The following TFDP1 variants were observed in gnomAD, a reference collection of about 807,000 sequenced individuals.
The protein encoded by TFDP1 is transcription factor Dp-1, also known as DRTF1-polypeptide 1.
Under a neutral mutation model 48.0 loss-of-function variants are expected in TFDP1, and 6 were observed. The ratio of observed to expected loss-of-function variants is 0.13; its 90% CI spans 0.07 to 0.25. TFDP1 has a LOEUF of 0.25. Ranked by LOEUF, TFDP1 falls within the 10% of genes least tolerant of loss-of-function variation. The pLI, the probability that TFDP1 is intolerant of heterozygous loss-of-function variation, is 1.00. For synonymous variants in TFDP1, 201 were observed against 211.6 expected (o/e 0.95, Z 0.44); for missense variants, 335 against 543.0 (o/e 0.62, Z 3.81).
At chr13:113,593,626 C>T (rs142913492) in intron 2 of TFDP1, among the ~76,000 whole-genome samples, 1,519 of 123,128 alleles carry the variant, frequency 0.012, 34 homozygotes, top group East Asian at 0.046. Context: ...GACAGTTGTG[C>T]TGTGTGCAGG....
At chr13:113,603,095 G>A (rs963982582) in intron 2 of TFDP1, among the ~76,000 whole-genome samples, 1 of 152,228 alleles carries the variant, frequency 6.6e-6, no homozygotes, top group African/African-American at 2.4e-5. Context: ...GTGGGGAGCT[G>A]TTAGCAATGG....
chr13:113,602,988 G>T (rs76955080), intron 2 of TFDP1, among the ~76,000 whole-genome samples: 5 of 99,132 alleles, frequency 5.0e-5, no homozygotes, highest in African/African-American at 2.0e-4. Flanking sequence ...AAAAAAAAAC[G>T]TATAATTTAC....
At chr13:113,605,368 C>CT (rs34042825) in intron 2 of TFDP1, among the ~76,000 whole-genome samples, 64,226 of 151,808 alleles carry the variant, frequency 0.42, 14,397 homozygotes, top group African/African-American at 0.56. Flanking sequence ...AAAAGAACCA[C>CT]TTTTTTTTAA....
At position 113,627,499 on chromosome 13, in the gene TFDP1, G is replaced by A. The variant is rs961101452; in HGVS notation, c.187-4124G>A. 7.9e-5 allele frequency among the ~76,000 whole-genome samples: 12 copies of A among 152,192 alleles called. No individual in the cohort carries two copies. Among genetic ancestry groups the A allele is most frequent in the African/African-American group, 1.4e-4 (6 of 41,426 alleles). ...CTCTCTGGACACCGCGGTTAACCTT[G>A]GTCCATCTCTAGGATTCTGTGTCTG... On this transcript the variant is annotated intron_variant, in intron 4 of 11. Coordinates refer to ENST00000375370, the MANE Select transcript of TFDP1 (RefSeq NM_007111.5). The surrounding 1 kb of genome is among the most constrained non-coding windows in gnomAD (Gnocchi z 4.1).
At position 113,640,241 on chromosome 13, in the gene TFDP1, T is replaced by C. The variant is rs762086985; in HGVS notation, c.1207T>C (p.Phe403Leu). 47 of 1,613,226 alleles carry C rather than the reference T, an allele frequency of 2.9e-5. No homozygotes were observed. The South Asian group carries it at 4.8e-4, about 17-fold the overall frequency. Reference protein sequence around the residue: ...VGEDDEEDDDFNENDEDD With the variant: ...VGEDDEEDDDLNENDEDD ...GGAGGACGACGAGGAGGACGATGAC[T>C]TCAACGAGAATGACGAGGACGACTG... The change falls in exon 12 of 12, where the codon TTC (phenylalanine) becomes CTC (leucine). Residue 403 changes from phenylalanine (F) to leucine (L), a missense_variant. This residue lies in a region of TFDP1 where 204 missense variants were observed against 287.1 expected (regional missense o/e 0.71). Transcript: ENST00000375370.
intron 3 of TFDP1, among the ~76,000 whole-genome samples, chr13:113,614,468 C>T (rs1213694150): frequency 6.6e-6 from 1 of 152,182 alleles, no homozygotes; most frequent in Non-Finnish European, 1.5e-5. Flanking sequence ...CGTTTGTGCC[C>T]TGGGAGCCCA....
rs2049201988 is a variant in TFDP1 at position 113,627,176 on chromosome 13, T to C, written c.186+3890T>C. ...CGAGGGGTGGGGCTCAGTCCGGGCA[T>C]GTGAGTGAAAGCGGTGGGGAGGTCC... On this transcript the variant is annotated intron_variant, in intron 4 of 11. Coordinates refer to ENST00000375370, the MANE Select transcript of TFDP1 (RefSeq NM_007111.5). The surrounding 1 kb of genome is among the most constrained non-coding windows in gnomAD (Gnocchi z 4.1). Among the ~76,000 whole-genome samples the C allele has an allele frequency of 6.6e-6, 1 of 152,128 alleles. No homozygotes were observed. The highest frequency in any genetic ancestry group is 6.5e-5 in the Admixed American group (1 of 15,286).
chr13:113,628,931 C>T (rs987821282), intron 4 of TFDP1, among the ~76,000 whole-genome samples: 1 of 152,160 alleles, frequency 6.6e-6, no homozygotes, highest in Non-Finnish European at 1.5e-5. Context: ...GACTGGAAGG[C>T]GTCCTGTGGC....
chr13:113,618,445 C>T (rs1383775225), intron 3 of TFDP1, among the ~76,000 whole-genome samples: 3 of 152,126 alleles, frequency 2.0e-5, no homozygotes, highest in East Asian at 1.9e-4. Context: ...TCCCTTGAAC[C>T]GGGAGGTGGA....
At chr13:113,634,128 C>T (rs1190381173) in intron 7 of TFDP1, 95 bp downstream of exon 7, 1 of 1,545,718 alleles carries the variant, frequency 6.5e-7, no homozygotes, top group Admixed American at 1.7e-5. Flanking sequence ...GCTCCGTGCC[C>T]TTATGCTCTC....
chr13:113,596,324 T>C (rs2048288613), intron 2 of TFDP1, among the ~76,000 whole-genome samples: 2 of 152,366 alleles, frequency 1.3e-5, no homozygotes, highest in African/African-American at 4.8e-5. Context: ...TACCCAGTTA[T>C]TGACTCTTGG....
chr13:113,637,153 C>A, intron 10 of TFDP1: 1 of 176,104 alleles, frequency 5.7e-6, no homozygotes, highest in Non-Finnish European at 1.2e-5. Flanking sequence ...AGCACAGGAG[C>A]TTTTGTTGAA....
intron 4 of TFDP1, among the ~76,000 whole-genome samples, chr13:113,629,354 TC>T: frequency 6.6e-6 from 1 of 152,322 alleles, no homozygotes; most frequent in South Asian, 2.1e-4. Context: ...AGTCCTGTCT[TC>T]CAGGAAAGGT....
intron 3 of TFDP1, among the ~76,000 whole-genome samples, chr13:113,615,675 G>C (rs2048838832): frequency 1.3e-5 from 2 of 152,210 alleles, no homozygotes; most frequent in African/African-American, 4.8e-5. Flanking sequence ...AGACTGCAGT[G>C]GGAGGATTGC....
chr13:113,585,640 C>T (rs892058889), intron 1 of TFDP1, 134 bp from the exon 2 acceptor site: 15 of 543,810 alleles, frequency 2.8e-5, no homozygotes, highest in African/African-American at 2.6e-4. Context: ...GTTTGGCCAG[C>T]TCCGCTCTCA....
chr13:113,609,373 TGC>T (rs57303804), intron 2 of TFDP1, among the ~76,000 whole-genome samples: 2,085 of 152,202 alleles, frequency 0.014, 49 homozygotes, highest in African/African-American at 0.047. Flanking sequence ...GCTGGGACGG[TGC>T]CTGCTGGACA....
chr13:113,605,073 A>G (rs1041021897), intron 2 of TFDP1, among the ~76,000 whole-genome samples: 1 of 151,636 alleles, frequency 6.6e-6, no homozygotes, highest in South Asian at 2.1e-4. Flanking sequence ...GAATTAAATC[A>G]TGGCATCGTC....
intron 4 of TFDP1, among the ~76,000 whole-genome samples, chr13:113,628,318 CTG>C (rs2049243810): frequency 6.6e-6 from 1 of 152,056 alleles, no homozygotes; most frequent in African/African-American, 2.4e-5. Flanking sequence ...GCCATGTAGA[CTG>C]TGTCTGAAGC....
At chr13:113,596,123 A>C (rs1036058959) in intron 2 of TFDP1, among the ~76,000 whole-genome samples, 2 of 152,024 alleles carry the variant, frequency 1.3e-5, no homozygotes, top group African/African-American at 4.8e-5. Context: ...CTTGTATGGG[A>C]CTTATTTTAG....
Sources: gnomAD v4.1 joint callset for allele counts (sites outside exome capture counted in the v4.1 genomes callset) on GRCh38, gnomAD v4.1.1 for gene constraint, gnomAD v4.1.1 regional missense constraint, Gnocchi (gnomAD v3.1) non-coding constraint, MANE v1.5 for transcripts, NCBI Gene and HGNC (gene_info 2026-07-23, HGNC 2026-07-21) for gene names.